Variants in DMD observed in about 807,000 individuals in gnomAD.
DMD encodes the protein dystrophin.
DMD carries 63 observed loss-of-function variants against 330.1 expected under a neutral mutation model. The observed-to-expected ratio is 0.19, with a 90% confidence interval of 0.16 to 0.24. The LOEUF is 0.24. DMD is among the 10% of genes least tolerant of loss of function. The pLI, the probability that DMD is intolerant of heterozygous loss-of-function variation, is 1.00. For missense variants in DMD, 3,344 were observed against 2,684.1 expected, an observed-to-expected ratio of 1.25 and a Z score of -5.43; for synonymous variants, 1,223 against 959.8, an observed-to-expected ratio of 1.27 and a Z score of -5.07.
intron 55 of DMD, among the ~76,000 whole-genome samples, chrX:31,586,201 A>C (rs150055046): frequency 3.6e-5 from 4 of 112,421 alleles, no homozygotes; most frequent in Non-Finnish European, 7.5e-5. Context: ...GAAAAATAAA[A>C]AGAAAGTTTT....
intron 7 of DMD, among the ~76,000 whole-genome samples, chrX:32,722,218 G>A (rs1451131480): frequency 9.1e-6 from 1 of 109,869 alleles, no homozygotes; most frequent in Non-Finnish European, 1.9e-5. Context: ...CATTAAATTT[G>A]TACAGTCAAC....
At chrX:32,476,888 A>G (rs756713811) in intron 21 of DMD, among the ~76,000 whole-genome samples, 1 of 111,215 alleles carries the variant, frequency 9.0e-6, no homozygotes, top group South Asian at 3.8e-4. Context: ...ATGTAGAAAT[A>G]GAGATTAATA....
intron 48 of DMD, among the ~76,000 whole-genome samples, chrX:31,851,086 G>T (rs1296450956): frequency 1.8e-5 from 2 of 112,035 alleles, no homozygotes; most frequent in Non-Finnish European, 3.8e-5. Context: ...ACATTGTTCA[G>T]TTGAGTTTCT....
chrX:32,229,683 T>TATATAC (rs1192972313), intron 43 of DMD, among the ~76,000 whole-genome samples: 1 of 19,140 alleles, frequency 5.2e-5, no homozygotes, highest in African/African-American at 2.5e-4. Context: ...AGTTTCATCA[T>TATATAC]ATATATATAT....
chrX:32,998,827 T>C (rs919168244), intron 2 of DMD, among the ~76,000 whole-genome samples: 3 of 112,060 alleles, frequency 2.7e-5, no homozygotes, highest in African/African-American at 9.7e-5. Flanking sequence ...GAATTTCTTA[T>C]ATGTATGACT....
intron 13 of DMD, among the ~76,000 whole-genome samples, chrX:32,579,962 CT>C (rs1211346892): frequency 1.8e-5 from 2 of 109,616 alleles, no homozygotes; most frequent in East Asian, 5.7e-4. Context: ...CTGGAAAAGC[CT>C]TTTGTTGTTG....
chrX:31,771,766 G>A (rs192161790), intron 51 of DMD, among the ~76,000 whole-genome samples: 199 of 111,943 alleles, frequency 1.8e-3, no homozygotes, highest in African/African-American at 6.2e-3. Flanking sequence ...CTCCCAAAGC[G>A]CTGGGAGTGC....
In DMD at chrX:31,721,589, ATCTCTC is replaced by A. The variant is rs59628263; in HGVS notation, c.7660+8036_7660+8041del. 1.4e-3 allele frequency among the ~76,000 whole-genome samples: 131 copies of A among 90,819 alleles called. No homozygotes were observed. The South Asian group carries it at 0.042, about 29-fold the overall frequency. The allele number at this position is 90,819 out of a possible 115,157, so 78.9% of individuals were successfully genotyped here. A position where few individuals can be genotyped will look rare whatever the true frequency, so the allele number is the denominator to read the frequency against. On this transcript the variant is annotated intron_variant, in intron 52 of 78. Coordinates refer to ENST00000357033, the MANE Select transcript of DMD (RefSeq NM_004006.3). Reference sequence around the variant, plus strand: ...CATATGAGTTAATGGCTTAAAATCAATCTCTCTCTCTCTCTCTCTCTCTCTCTCTGT... The same window carrying A: ...CATATGAGTTAATGGCTTAAAATCAATCTCTCTCTCTCTCTCTCTCTCTGT...
chrX:32,056,108 GTTT>G (rs946047434), intron 44 of DMD, among the ~76,000 whole-genome samples: 3 of 110,575 alleles, frequency 2.7e-5, no homozygotes, highest in East Asian at 5.7e-4. Flanking sequence ...GCTTTGAAGT[GTTT>G]TTTATTTTGT....
At chrX:31,383,648 C>T (rs778927084) in intron 60 of DMD, among the ~76,000 whole-genome samples, 2 of 111,885 alleles carry the variant, frequency 1.8e-5, no homozygotes, top group East Asian at 5.7e-4. Flanking sequence ...GCCCACCCTG[C>T]CCTCCATCCT....
intron 59 of DMD, among the ~76,000 whole-genome samples, chrX:31,473,398 G>C (rs1288608398): frequency 9.5e-6 from 1 of 104,733 alleles, no homozygotes; most frequent in Non-Finnish European, 1.9e-5. Flanking sequence ...GAGAAACCAT[G>C]GTTTATTAAA....
chrX:32,101,534 T>A (rs1053475683), intron 44 of DMD, among the ~76,000 whole-genome samples: 1 of 112,193 alleles, frequency 8.9e-6, no homozygotes, highest in African/African-American at 3.2e-5. Flanking sequence ...TCACATAAAC[T>A]ATGAATCCAG....
chrX:31,272,012 A>G (rs752608593), intron 62 of DMD, among the ~76,000 whole-genome samples: 2 of 111,458 alleles, frequency 1.8e-5, no homozygotes, highest in Non-Finnish European at 3.8e-5. Flanking sequence ...ACACCCACAC[A>G]AAAGCCTATT....
chrX:33,286,730 T>C (rs1603428392), intron 1 of DMD, among the ~76,000 whole-genome samples: 3 of 112,126 alleles, frequency 2.7e-5, no homozygotes, highest in African/African-American at 3.2e-5. Flanking sequence ...AGAATCCATG[T>C]TGATCCACTC....
chrX:33,020,296 G>T, intron 1 of DMD, 96 bp from the exon 2 acceptor site: 2 of 589,850 alleles, frequency 3.4e-6, no homozygotes, highest in Non-Finnish European at 5.4e-6. Flanking sequence ...ATGTGTTAGT[G>T]TTTTTTTACA....
intron 2 of DMD, among the ~76,000 whole-genome samples, chrX:32,961,523 TTAAA>T (rs1462967350): frequency 8.9e-6 from 1 of 111,837 alleles, no homozygotes; most frequent in Non-Finnish European, 1.9e-5. Flanking sequence ...GAAATTTTAA[TTAAA>T]TAATTAATAT....
chrX:31,218,556 A>G (rs1602862350), intron 64 of DMD, among the ~76,000 whole-genome samples: 1 of 111,885 alleles, frequency 8.9e-6, no homozygotes, highest in South Asian at 3.8e-4. Flanking sequence ...CTGAAAAATG[A>G]TAACTTCGGG....
rs373682602 is a variant in DMD, at chrX:32,092,888, G to A, written c.6438+124028C>T. Among the ~76,000 whole-genome samples, 11 of 108,793 alleles carry A rather than the reference G, an allele frequency of 1.0e-4. No homozygotes were observed. The East Asian group carries it at 2.0e-3, about 20-fold the overall frequency. 94.5% of individuals were successfully genotyped at this position (108,793 alleles called of 115,157 possible). On this transcript the variant is annotated intron_variant, in intron 44 of 78. Transcript: ENST00000357033. ...AATTATATAAAATCACTATTAAAAC[G>A]CAACTTATTTGTACTATATTTTAGC...
intron 7 of DMD, among the ~76,000 whole-genome samples, chrX:32,773,031 T>A (rs762275354): frequency 6.3e-5 from 7 of 111,725 alleles, no homozygotes; most frequent in Non-Finnish European, 3.8e-5. Flanking sequence ...CTCTTAAGTA[T>A]CCTTCCGTCA....
Sources: allele counts gnomAD v4.1 joint callset (sites outside exome capture counted in the v4.1 genomes callset), GRCh38; gene constraint gnomAD v4.1.1; transcripts MANE v1.5; gene names NCBI Gene and HGNC (gene_info 2026-07-23, HGNC 2026-07-21).